Variants in ZNF333 observed in about 807,000 individuals in gnomAD.
ZNF333 encodes the protein zinc finger protein 333.
Under a neutral mutation model 76.1 loss-of-function variants are expected in ZNF333, and 61 were observed. The observed-to-expected ratio is 0.80, with a 90% confidence interval of 0.65 to 0.99. The LOEUF (loss-of-function observed/expected upper bound fraction) is 0.99. Ranked by LOEUF, ZNF333 falls within the 50% of genes least tolerant of loss-of-function variation. ZNF333 has a pLI of 0.00. For missense variants in ZNF333, 717 were observed against 822.4 expected (o/e 0.87, Z 1.57); for synonymous variants, 284 against 305.0 (o/e 0.93, Z 0.72).
intron 5 of ZNF333, among the ~76,000 whole-genome samples, chr19:14,701,386 C>T (rs543040549): frequency 1.1e-4 from 16 of 152,278 alleles, no homozygotes; most frequent in Admixed American, 7.8e-4. Context: ...ACTACAGGCA[C>T]GCACCACTAC....
In ZNF333 at chr19:14,721,184, TA is replaced by T. The variant is rs2042575915; in HGVS notation, c.*1861del. The stretch of plus-strand genomic sequence containing the variant: ...ATGAGGAAGCTGAGGCCCAGCAAGT[TA>T]AGGTGGGCTATCAAAGTCATCTGGG... On this transcript the variant is annotated 3_prime_UTR_variant, in exon 12 of 12. Transcript: ENST00000292530. 1 of 182,008 alleles carries T rather than the reference TA, an allele frequency of 5.5e-6. No individual in the cohort carries two copies. Among genetic ancestry groups the T allele is most frequent in the African/African-American group, 2.4e-5 (1 of 41,770 alleles). The allele number at this position is 182,008 out of a possible 1,614,324, so 11.3% of individuals were successfully genotyped here. A position where few individuals can be genotyped will look rare whatever the true frequency, so the allele number is the denominator to read the frequency against.
chr19:14,724,886 AT>A (rs1314274234), downstream of ZNF333, among the ~76,000 whole-genome samples: 1 of 152,236 alleles, frequency 6.6e-6, no homozygotes, highest in African/African-American at 2.4e-5. Flanking sequence ...TTGGTGCTGT[AT>A]TTAATGCTAT....
In ZNF333 at chr19:14,715,471, G is replaced by T. The variant is rs1205701773; in HGVS notation, c.600+1G>T. ...TGGGCTGCCAACCGCCTGTTCACAG[G>T]TAGGTAAGAACTTCTTGTTCTAAAA... On this transcript the variant is annotated splice_donor_variant, in intron 8 of 11. Transcript: ENST00000292530. LOFTEE classifies it high-confidence loss of function. The T allele has an allele frequency of 1.2e-6, 2 of 1,613,674 alleles. No individual in the cohort carries two copies. The highest frequency in any genetic ancestry group is 8.5e-7 in the Non-Finnish European group (1 of 1,179,720).
At position 14,720,686 on chromosome 19, in the gene ZNF333, T is replaced by TA. The variant is rs1166974295; in HGVS notation, c.*1364dup. On this transcript the variant is annotated 3_prime_UTR_variant, in exon 12 of 12. Coordinates refer to ENST00000292530, the MANE Select transcript of ZNF333 (RefSeq NM_032433.4). ...TGCACTTAGTATATGTCAGTTTTTA[T>TA]AAATGCTTCATGGATGGTTGAAATC... is the stretch of plus-strand genomic sequence containing the variant. 1 of 985,332 alleles carries TA rather than the reference T, an allele frequency of 1.0e-6. No homozygotes were observed. The highest frequency in any genetic ancestry group is 1.2e-6 in the Non-Finnish European group (1 of 829,944). The allele number at this position is 985,332 out of a possible 1,614,324, so 61.0% of individuals were successfully genotyped here.
At chr19:14,708,101 G>T in intron 7 of ZNF333, 1 of 389,962 alleles carries the variant, frequency 2.6e-6, no homozygotes, top group African/African-American at 2.1e-5. Flanking sequence ...TCTGCCTCCC[G>T]GGTTCAAGCG....
intron 5 of ZNF333, among the ~76,000 whole-genome samples, chr19:14,703,373 A>T (rs1355704239): frequency 2.0e-5 from 3 of 152,200 alleles, no homozygotes; most frequent in African/African-American, 7.2e-5. Context: ...GGGTGGGGAC[A>T]CAGCCAGACC....
At chr19:14,698,935 T>TATATATAGATAGATATATATAC (rs1180611568) in intron 4 of ZNF333, among the ~76,000 whole-genome samples, 41 of 139,340 alleles carry the variant, frequency 2.9e-4, no homozygotes, top group South Asian at 9.0e-4. Context: ...TATATATATA[T>TATATATAGATAGATATATATAC]ACACACATAT....
chr19:14,698,322 C>T (rs924184601), intron 4 of ZNF333, among the ~76,000 whole-genome samples: 17 of 148,264 alleles, frequency 1.1e-4, no homozygotes, highest in Non-Finnish European at 5.9e-5. Flanking sequence ...TGCAGTGAGC[C>T]GAGATCATGC....
In ZNF333 at chr19:14,730,217, G is replaced by C. The variant is rs2042658853; in HGVS notation, c.901-958G>C. Reference sequence around the variant, plus strand: ...TTACAGGTGCCCGTGACCATGCCTGGTTAATTTTTGTATTTTTAGTAGAGA... The same window carrying C: ...TTACAGGTGCCCGTGACCATGCCTGCTTAATTTTTGTATTTTTAGTAGAGA... On this transcript the variant is annotated intron_variant, in intron 11 of 11. Coordinates refer to the ZNF333 transcript ENST00000540689. Among the ~76,000 whole-genome samples, 3 of 152,054 alleles carry C rather than the reference G, an allele frequency of 2.0e-5. No individual in the cohort carries two copies. In the South Asian group the frequency reaches 6.2e-4, roughly 32 times the overall value.
intron 3 of ZNF333, 38 bp from the exon 4 acceptor site, chr19:14,695,528 C>G (rs45441598): frequency 5.0e-5 from 76 of 1,528,452 alleles, no homozygotes; most frequent in Non-Finnish European, 6.4e-5. Context: ...CCTGCAAGCC[C>G]TCTCTCTCTC....
At chr19:14,726,806 T>C (rs2042635401), downstream of ZNF333, among the ~76,000 whole-genome samples, 1 of 152,166 alleles carries the variant, frequency 6.6e-6, no homozygotes, top group Non-Finnish European at 1.5e-5. Flanking sequence ...TCCATATCTC[T>C]ACCAGTATTT....
intron 4 of ZNF333, among the ~76,000 whole-genome samples, chr19:14,698,917 T>G (rs868175989): frequency 2.7e-4 from 33 of 120,382 alleles, no homozygotes; most frequent in South Asian, 4.5e-4. Context: ...TATATATATA[T>G]ATATATATAT....
rs2042454788 is a variant in ZNF333, at chr19:14,717,079, C to T, written c.813C>T (p.Asp271=). 1 of 1,606,148 alleles carries T rather than the reference C, an allele frequency of 6.2e-7. No homozygotes were observed. Among genetic ancestry groups the T allele is most frequent in the Non-Finnish European group, 8.5e-7 (1 of 1,175,436 alleles). The change falls in exon 10 of 12, where the codon GAC becomes GAT. Residue 271 remains aspartate, a synonymous_variant. Transcript: ENST00000292530. The stretch of plus-strand genomic sequence containing the variant: ...CCACTGACAGGGGCGTCCTCTCAGA[C>T]ACCTGTGCAGGTGAGCCCAGGCAGA... ...QWTTDRGVLS[D]TCAEPQCQPQ...
chr19:14,728,182 C>T (rs1358109314), intron 11 of ZNF333, among the ~76,000 whole-genome samples: 1 of 152,178 alleles, frequency 6.6e-6, no homozygotes, highest in African/African-American at 2.4e-5. Context: ...CACTGCACTC[C>T]AGCCTGGGCG....
chr19:14,711,825 G>A (rs2042284959), intron 7 of ZNF333, among the ~76,000 whole-genome samples: 1 of 152,070 alleles, frequency 6.6e-6, no homozygotes, highest in Admixed American at 6.6e-5. Context: ...CCAATCCAGT[G>A]AGGATGACAG....
At chr19:14,717,811 C>T (rs555722844) in intron 11 of ZNF333, 78 bp downstream of exon 11, 2 of 1,379,056 alleles carry the variant, frequency 1.5e-6, no homozygotes, top group South Asian at 1.2e-5. Flanking sequence ...GAAAAGCAGC[C>T]CAAGAGCCAA....
At chr19:14,704,982 A>T in intron 5 of ZNF333, 72 bp from the exon 6 acceptor site, 1 of 1,483,480 alleles carries the variant, frequency 6.7e-7, no homozygotes, top group African/African-American at 1.4e-5. Flanking sequence ...GCCCCAAACC[A>T]AAGGTCTCTC....
intron 4 of ZNF333, among the ~76,000 whole-genome samples, chr19:14,697,771 G>A (rs10401494): frequency 0.72 from 109,560 of 152,120 alleles, 41,019 homozygotes; most frequent in African/African-American, 0.92. Flanking sequence ...AGCAACTGTC[G>A]TACCACTTTC....
At chr19:14,690,670 G>T (rs1972694619) in intron 1 of ZNF333, among the ~76,000 whole-genome samples, 1 of 152,222 alleles carries the variant, frequency 6.6e-6, no homozygotes, top group Non-Finnish European at 1.5e-5. Flanking sequence ...ATTAAGGAAT[G>T]AATTAGATGA....
Sources: gnomAD v4.1 joint callset for allele counts (sites outside exome capture counted in the v4.1 genomes callset) on GRCh38, gnomAD v4.1.1 for gene constraint, MANE v1.5 for transcripts, NCBI Gene and HGNC (gene_info 2026-07-23, HGNC 2026-07-21) for gene names.